The following COL21A1 variants were observed in gnomAD, a reference collection of about 807,000 sequenced individuals.
COL21A1 encodes the protein collagen type XXI alpha 1 chain.
In COL21A1, 149 loss-of-function variants were observed where a neutral mutation model predicts 137.9. That is an observed-to-expected ratio of 1.08 (90% confidence interval 0.95 to 1.24). The LOEUF (loss-of-function observed/expected upper bound fraction) is 1.24. COL21A1 is among the 50% of genes most tolerant of loss of function. COL21A1 has a pLI of 0.00. For synonymous variants in COL21A1, 456 were observed against 391.5 expected (o/e 1.16, Z -1.95); for missense variants, 1,167 against 1,158.4 (o/e 1.01, Z -0.11).
At chr6:56,370,070 G>A (rs1023056566) in intron 1 of COL21A1, among the ~76,000 whole-genome samples, 1 of 152,072 alleles carries the variant, frequency 6.6e-6, no homozygotes, top group African/African-American at 2.4e-5. Context: ...ATCTCTAGGT[G>A]GTGAGATTTT....
Position 56,156,957 on chromosome 6 carries a change from G to C in COL21A1, c.1372-8C>G. ...AGGCAGTCCAGGGTCACCCTAAGCA[G>C]GAAGCAAACAAACTTTTGAGTACAA... On this transcript the variant is annotated splice_polypyrimidine_tract_variant and splice_region_variant and intron_variant, in intron 9 of 29. Coordinates refer to ENST00000244728, the MANE Select transcript of COL21A1 (RefSeq NM_030820.4). 6.2e-7 allele frequency: 1 copy of C among 1,607,684 alleles called. No homozygotes were observed. The highest frequency in any genetic ancestry group is 8.5e-7 in the Non-Finnish European group (1 of 1,176,896).
At chr6:56,083,094 A>G (rs1582280024) in intron 17 of COL21A1, among the ~76,000 whole-genome samples, 1 of 152,012 alleles carries the variant, frequency 6.6e-6, no homozygotes, top group East Asian at 1.9e-4. Flanking sequence ...CACATTTATT[A>G]TCTTACAGTT....
intron 16 of COL21A1, among the ~76,000 whole-genome samples, chr6:56,119,364 T>C (rs1187488868): frequency 6.6e-6 from 1 of 151,840 alleles, no homozygotes; most frequent in Non-Finnish European, 1.5e-5. Flanking sequence ...AATTGAAAGA[T>C]CTCTACAATG....
At chr6:56,074,093 T>G in intron 20 of COL21A1, 139 bp downstream of exon 20, 1 of 567,310 alleles carries the variant, frequency 1.8e-6, no homozygotes, top group Non-Finnish European at 3.0e-6. Context: ...CAGATTTAAT[T>G]CTTACAAGTG....
intron 17 of COL21A1, 62 bp from the exon 18 acceptor site, chr6:56,077,635 G>C: frequency 1.0e-6 from 1 of 972,478 alleles, no homozygotes; most frequent in Non-Finnish European, 1.5e-6. Flanking sequence ...CATTAAAGAA[G>C]AAACAGTCAC....
chr6:56,364,326 C>A (rs1278779141), intron 1 of COL21A1, among the ~76,000 whole-genome samples: 1 of 152,110 alleles, frequency 6.6e-6, no homozygotes. Flanking sequence ...AAAATTAAAA[C>A]CCTCAATGAT....
intron 20 of COL21A1, 60 bp from the exon 21 acceptor site, chr6:56,070,858 A>G: frequency 8.1e-7 from 1 of 1,230,994 alleles, no homozygotes; most frequent in Non-Finnish European, 1.1e-6. Flanking sequence ...AATATATCTG[A>G]TATAGACACT....
At chr6:56,118,895 C>G (rs1426650564) in intron 16 of COL21A1, among the ~76,000 whole-genome samples, 1 of 151,756 alleles carries the variant, frequency 6.6e-6, no homozygotes, top group African/African-American at 2.4e-5. Flanking sequence ...TGATAAAAAC[C>G]CTCAAAAAAG....
At chr6:56,272,275 A>G (rs1182399464) in intron 1 of COL21A1, among the ~76,000 whole-genome samples, 1 of 152,238 alleles carries the variant, frequency 6.6e-6, no homozygotes, top group Non-Finnish European at 1.5e-5. Context: ...CTGGAGTCAT[A>G]GGAGATTATT....
intron 18 of COL21A1, among the ~76,000 whole-genome samples, chr6:56,076,215 T>G (rs181138587): frequency 1.3e-5 from 2 of 151,500 alleles, no homozygotes. Flanking sequence ...GCAGGAATCT[T>G]CAATACCTAT....
intron 1 of COL21A1, among the ~76,000 whole-genome samples, chr6:56,376,872 C>T (rs2094000288): frequency 1.6e-5 from 2 of 123,270 alleles, no homozygotes; most frequent in African/African-American, 6.3e-5. Context: ...TAACAACTGT[C>T]TATAGAAAAA....
At chr6:56,058,255 A>T (rs1467059839) in intron 29 of COL21A1, among the ~76,000 whole-genome samples, 2 of 152,192 alleles carry the variant, frequency 1.3e-5, no homozygotes, top group Non-Finnish European at 2.9e-5. Flanking sequence ...TGCAACAAAA[A>T]ACTGTTTCTA....
intron 16 of COL21A1, among the ~76,000 whole-genome samples, chr6:56,117,271 C>A (rs1008904106): frequency 1.3e-5 from 2 of 151,804 alleles, no homozygotes; most frequent in South Asian, 4.1e-4. Flanking sequence ...TCCATGCCAA[C>A]AGAAACCAAA....
At chr6:56,276,455 T>A in intron 1 of COL21A1, 1 of 643,066 alleles carries the variant, frequency 1.6e-6, no homozygotes, top group East Asian at 2.9e-5. Flanking sequence ...TCTTTCTTTC[T>A]AATGTAAAAA....
At chr6:56,212,463 C>A (rs543141002) in intron 1 of COL21A1, among the ~76,000 whole-genome samples, 1 of 151,864 alleles carries the variant, frequency 6.6e-6, no homozygotes, top group Non-Finnish European at 1.5e-5. Context: ...TAGGTTTATA[C>A]GAGAAATTCT....
At chr6:56,164,282 A>T (rs1776401169) in intron 9 of COL21A1, 141 bp downstream of exon 9, 2 of 628,926 alleles carry the variant, frequency 3.2e-6, no homozygotes, top group Non-Finnish European at 5.6e-6. Context: ...TAGAAAAAAA[A>T]TGACTAAAAC....
chr6:56,097,245 T>A (rs193197626), intron 17 of COL21A1, among the ~76,000 whole-genome samples: 2 of 152,220 alleles, frequency 1.3e-5, no homozygotes, highest in African/African-American at 4.8e-5. Context: ...CCCCAATCCA[T>A]TGGGCTGGAG....
chr6:56,100,906 AAATTTCTT>A (rs1770399241), intron 17 of COL21A1, among the ~76,000 whole-genome samples: 1 of 152,120 alleles, frequency 6.6e-6, no homozygotes, highest in East Asian at 1.9e-4. Flanking sequence ...GGCAAATTTC[AAATTTCTT>A]GAGGGTAGGT....
chr6:56,323,919 G>A (rs1562055497), intron 1 of COL21A1, among the ~76,000 whole-genome samples: 1 of 152,050 alleles, frequency 6.6e-6, no homozygotes. Context: ...AGGGTTCAGG[G>A]CAGCCTGACT....
Sources: allele counts gnomAD v4.1 joint callset (sites outside exome capture counted in the v4.1 genomes callset), GRCh38; gene constraint gnomAD v4.1.1; transcripts MANE v1.5; gene names NCBI Gene and HGNC (gene_info 2026-07-23, HGNC 2026-07-21).